The following SCP2 variants were observed in gnomAD, a reference collection of about 807,000 sequenced individuals.
SCP2 encodes SCP-2/3-oxoacyl-CoA thiolase.
Under a neutral mutation model 71.4 loss-of-function variants are expected in SCP2, and 48 were observed. That is an observed-to-expected ratio of 0.67 (90% confidence interval 0.53 to 0.86). SCP2 has a LOEUF of 0.86. Among genes scored for constraint, SCP2 ranks in the 40% least tolerant of loss-of-function variants. The probability of loss-of-function intolerance (pLI) is 0.00; values close to 1 mark genes in which losing one functional copy is unlikely to be tolerated. For missense variants in SCP2, 560 were observed against 655.6 expected (o/e 0.85, Z 1.59); for synonymous variants, 220 against 218.1 (o/e 1.01, Z -0.08).
rs1451448439 is a variant in SCP2, at chr1:52,947,060, C to T, written c.128-949C>T. Among the ~76,000 whole-genome samples the T allele has an allele frequency of 3.8e-5, 4 of 104,862 alleles. No individual in the cohort carries two copies. The East Asian group carries it at 7.5e-4, about 20-fold the overall frequency. The allele number at this position is 104,862 out of a possible 152,430, so 68.8% of individuals were successfully genotyped here. A position where few individuals can be genotyped will look rare whatever the true frequency, so the allele number is the denominator to read the frequency against. ...TGGGCGACAGAGCAAGACTCTGTCT[C>T]GAAAAAAAAAAAAAAAAAACGGAAA... On this transcript the variant is annotated intron_variant, in intron 2 of 15. Coordinates refer to ENST00000371514, the MANE Select transcript of SCP2 (RefSeq NM_002979.5).
intron 6 of SCP2, among the ~76,000 whole-genome samples, chr1:52,964,950 G>A (rs1160481947): frequency 6.6e-6 from 1 of 152,094 alleles, no homozygotes; most frequent in African/African-American, 2.4e-5. Flanking sequence ...AGAGGTAGAG[G>A]TTGTGAGCCG....
At chr1:52,982,961 A>G (rs1658667898) in intron 10 of SCP2, among the ~76,000 whole-genome samples, 1 of 152,106 alleles carries the variant, frequency 6.6e-6, no homozygotes, top group Non-Finnish European at 1.5e-5. Flanking sequence ...TGAACACCCA[A>G]GTTTTTCTCT....
chr1:52,972,159 A>T (rs1657557359), intron 6 of SCP2, among the ~76,000 whole-genome samples: 1 of 152,222 alleles, frequency 6.6e-6, no homozygotes, highest in Admixed American at 6.5e-5. Flanking sequence ...CTGAATGTGC[A>T]CTAGAAATGA....
intron 5 of SCP2, among the ~76,000 whole-genome samples, chr1:52,958,894 T>C (rs1055748964): frequency 1.4e-4 from 22 of 152,016 alleles, no homozygotes; most frequent in African/African-American, 5.3e-4. Context: ...TGTGTTTATG[T>C]CCGCAAGGGT....
chr1:52,941,937 G>A (rs1654289078), intron 2 of SCP2, 84 bp downstream of exon 2: 1 of 999,640 alleles, frequency 1.0e-6, no homozygotes, highest in Non-Finnish European at 1.6e-6. Context: ...AGCCTTGCAA[G>A]CACAAAAGGA....
intron 6 of SCP2, among the ~76,000 whole-genome samples, chr1:52,966,188 T>A (rs1424094475): frequency 8.5e-5 from 13 of 152,328 alleles, no homozygotes; most frequent in Non-Finnish European, 1.5e-5. Context: ...ACAGTAAGCA[T>A]CCTTGTCCTG....
At chr1:53,030,609 G>C (rs1434796298) in intron 13 of SCP2, among the ~76,000 whole-genome samples, 1 of 151,750 alleles carries the variant, frequency 6.6e-6, no homozygotes, top group African/African-American at 2.4e-5. Flanking sequence ...AAAAATCTCT[G>C]GGCTGGGCAC....
chr1:52,959,965 C>T (rs145912198), intron 5 of SCP2, among the ~76,000 whole-genome samples: 4,104 of 151,350 alleles, frequency 0.027, 146 homozygotes, highest in East Asian at 0.19. Flanking sequence ...GATCTCAGCT[C>T]ACTGCAACCT....
Position 52,941,734 on chromosome 1 carries a change from C to CAAAA in SCP2, c.70-50_70-47dup, listed in dbSNP as rs143386725. 4,700 of 943,066 alleles carry CAAAA rather than the reference C, an allele frequency of 5.0e-3. 141 individuals carry two copies. In the African/African-American group the frequency reaches 0.081, roughly 16 times the overall value. 58.4% of individuals were successfully genotyped at this position (943,066 alleles called of 1,614,324 possible). A position where few individuals can be genotyped will look rare whatever the true frequency, so the allele number is the denominator to read the frequency against. ...TGGGTAACAGAGCAAGACTCCGTCT[C>CAAAA]AAAAAAAAAAAAAAATGTAACTATA... is the stretch of plus-strand genomic sequence containing the variant. On this transcript the variant is annotated intron_variant, in intron 1 of 15. Coordinates refer to ENST00000371514, the MANE Select transcript of SCP2 (RefSeq NM_002979.5).
rs767719930 is a variant in SCP2 at position 52,948,093 on chromosome 1, CTG to C, written c.199+17_199+18del. The C allele has an allele frequency of 1.9e-6, 3 of 1,567,540 alleles. No individual in the cohort carries two copies. The Admixed American group carries it at 5.0e-5, about 26-fold the overall frequency. On this transcript the variant is annotated intron_variant, in intron 3 of 15. Coordinates refer to ENST00000371514, the MANE Select transcript of SCP2 (RefSeq NM_002979.5). ...GGCTATGTTTTTGGTATGTATTAAA[CTG>C]TGTATTCTAAAATTTTTTTACCTAA... is the stretch of plus-strand genomic sequence containing the variant.
intron 5 of SCP2, among the ~76,000 whole-genome samples, chr1:52,960,869 C>A (rs1656365209): frequency 6.6e-6 from 1 of 151,132 alleles, no homozygotes; most frequent in Admixed American, 6.6e-5. Context: ...TCTCCCACCT[C>A]AGCCTCCCGA....
intron 11 of SCP2, among the ~76,000 whole-genome samples, chr1:53,013,321 C>T (rs1473261051): frequency 2.0e-5 from 3 of 150,280 alleles, no homozygotes; most frequent in African/African-American, 4.9e-5. Context: ...TGCGGTGGCT[C>T]ATGCCTGTAA....
chr1:53,040,824 T>C (rs896231120), intron 14 of SCP2, among the ~76,000 whole-genome samples: 1 of 152,266 alleles, frequency 6.6e-6, no homozygotes, highest in African/African-American at 2.4e-5. Flanking sequence ...TGTAATATTT[T>C]ACTTATTTTC....
intron 15 of SCP2, chr1:53,049,618 C>A (rs1664070169): frequency 6.6e-6 from 1 of 152,216 alleles, no homozygotes; most frequent in African/African-American, 2.4e-5. Context: ...CGAGTTTCTC[C>A]TGTACTACTG....
chr1:52,974,817 AT>A lies in SCP2; in HGVS notation c.574del (p.Ser192GlnfsTer15). 6.6e-7 allele frequency: 1 copy of A among 1,504,398 alleles called. No individual in the cohort carries two copies. Among genetic ancestry groups the A allele is most frequent in the Non-Finnish European group, 9.3e-7 (1 of 1,080,066 alleles). The allele number at this position is 1,504,398 out of a possible 1,614,324, so 93.2% of individuals were successfully genotyped here. Reference protein sequence around the residue: ...FAKIGWKNHKHSVNNPYSQFQ... With the variant: ...FAKIGWKNHKXSVNNPYSQFQ... ...AAAATTGGATGGAAAAATCATAAAC[AT>A]TCAGTTAATAACCCGTAAGTATTTC... On this transcript the variant is annotated frameshift_variant, in exon 7 of 16. Coordinates refer to ENST00000371514, the MANE Select transcript of SCP2 (RefSeq NM_002979.5). LOFTEE classifies it high-confidence loss of function.
rs59591833 is a variant in SCP2 at position 53,004,564 on chromosome 1, A to G, written c.1082-10326A>G. On this transcript the variant is annotated intron_variant, in intron 11 of 15. Coordinates refer to ENST00000371514, the MANE Select transcript of SCP2 (RefSeq NM_002979.5). ...TAACTGATCAATTGACTTTGTGACA[A>G]TACATCCTCCCCACCCTTGCGATAA... Among the ~76,000 whole-genome samples the G allele has an allele frequency of 8.9e-3, 1,351 of 152,226 alleles. 108 individuals carry two copies. In the East Asian group the frequency reaches 0.2, roughly 22 times the overall value.
intron 1 of SCP2, among the ~76,000 whole-genome samples, chr1:52,929,369 G>T (rs1652912837): frequency 6.6e-6 from 1 of 151,646 alleles, no homozygotes; most frequent in East Asian, 1.9e-4. Context: ...AATTTTTTTT[G>T]TAGAGACAGG....
At chr1:53,014,482 ATTG>A (rs1271325884) in intron 11 of SCP2, among the ~76,000 whole-genome samples, 1 of 146,524 alleles carries the variant, frequency 6.8e-6, no homozygotes, top group Non-Finnish European at 1.5e-5. Flanking sequence ...AAAACAACTC[ATTG>A]TTGTTGGGAA....
At chr1:52,993,522 CTGTGA>C in intron 11 of SCP2, 2 of 1,612,512 alleles carry the variant, frequency 1.2e-6, no homozygotes, top group Non-Finnish European at 1.7e-6. Flanking sequence ...CTGCCTCTAT[CTGTGA>C]CTGAAAAGAC....
Sources: allele counts gnomAD v4.1 joint callset (sites outside exome capture counted in the v4.1 genomes callset), GRCh38; gene constraint gnomAD v4.1.1; transcripts MANE v1.5; gene names NCBI Gene and HGNC (gene_info 2026-07-23, HGNC 2026-07-21).